Variants in COL4A3 observed in about 807,000 individuals in gnomAD.
The protein encoded by COL4A3 is collagen type IV alpha 3 chain, also known as collagen alpha-3(IV) chain.
In COL4A3, 135 loss-of-function variants were observed where a neutral mutation model predicts 217.4. That is an observed-to-expected ratio of 0.62 (90% CI 0.54 to 0.72). The LOEUF (loss-of-function observed/expected upper bound fraction) is 0.72. Ranked by LOEUF, COL4A3 falls within the 30% of genes least tolerant of loss-of-function variation. The probability of loss-of-function intolerance (pLI) is 0.00; values close to 1 mark genes in which losing one functional copy is unlikely to be tolerated. For missense variants in COL4A3, 1,868 were observed against 2,119.9 expected, an observed-to-expected ratio of 0.88 and a Z score of 2.33; for synonymous variants, 690 against 736.3, an observed-to-expected ratio of 0.94 and a Z score of 1.02.
At chr2:227,172,374 G>C (rs1468169632) in intron 1 of COL4A3, among the ~76,000 whole-genome samples, 2 of 152,072 alleles carry the variant, frequency 1.3e-5, no homozygotes, top group African/African-American at 2.4e-5. Flanking sequence ...AAATGTCTGG[G>C]TGCTGGTAAG....
At chr2:227,219,697 A>T (rs1428425552) in intron 1 of COL4A3, among the ~76,000 whole-genome samples, 1 of 151,710 alleles carries the variant, frequency 6.6e-6, no homozygotes, top group African/African-American at 2.4e-5. Flanking sequence ...GCTGTGAAGC[A>T]CTCTTGTATC....
chr2:227,213,879 G>A (rs566194556), intron 1 of COL4A3, among the ~76,000 whole-genome samples: 29 of 138,652 alleles, frequency 2.1e-4, no homozygotes, highest in Admixed American at 1.4e-3. Flanking sequence ...ACAAGCCCGG[G>A]CGACAGAGCA....
intron 20 of COL4A3, among the ~76,000 whole-genome samples, chr2:227,261,789 ACATAT>A (rs2070586759): frequency 6.6e-6 from 1 of 152,206 alleles, no homozygotes; most frequent in Admixed American, 6.5e-5. Flanking sequence ...AGTTTTCATA[ACATAT>A]CATGAGTTGC....
chr2:227,182,512 T>C (rs1462138589), intron 1 of COL4A3, among the ~76,000 whole-genome samples: 1 of 152,248 alleles, frequency 6.6e-6, no homozygotes, highest in African/African-American at 2.4e-5. Flanking sequence ...GGGATATTTG[T>C]GAATAAAATC....
At chr2:227,276,732 A>C (rs1044925434) in intron 27 of COL4A3, among the ~76,000 whole-genome samples, 1 of 152,254 alleles carries the variant, frequency 6.6e-6, no homozygotes, top group Non-Finnish European at 1.5e-5. Context: ...ACTTAAGAGG[A>C]ATTTTAGAGC....
intron 1 of COL4A3, among the ~76,000 whole-genome samples, chr2:227,165,167 C>T (rs1299861294): frequency 6.6e-6 from 1 of 151,986 alleles, no homozygotes; most frequent in African/African-American, 2.4e-5. Context: ...TGGAGATGCA[C>T]GGTGTCACGC....
In COL4A3 at chr2:227,272,114, C is replaced by T. The variant is rs143742831; in HGVS notation, c.1759-835C>T. Reference sequence around the variant, plus strand: ...GGTGCCAGCAGTTCTCAGACCCTGCCTTGGCCAAGTCCCAGGTTGTTCACT... The same window carrying T: ...GGTGCCAGCAGTTCTCAGACCCTGCTTTGGCCAAGTCCCAGGTTGTTCACT... On this transcript the variant is annotated intron_variant, in intron 25 of 51. Transcript: ENST00000396578. 5.5e-3 allele frequency among the ~76,000 whole-genome samples: 832 copies of T among 152,314 alleles called. 3 individuals are homozygous for T. The highest frequency in any genetic ancestry group is 7.7e-3 in the Non-Finnish European group (525 of 68,030).
intron 1 of COL4A3, among the ~76,000 whole-genome samples, chr2:227,202,860 TACATATATGTGTATATATAC>T (rs2066777531): frequency 1.6e-4 from 4 of 24,854 alleles, no homozygotes; most frequent in African/African-American, 2.4e-4. Flanking sequence ...TGTGTATATA[TACATATATGTGTATATATAC>T]ATATGTGTAT....
intron 46 of COL4A3, 176 bp downstream of exon 46, chr2:227,304,320 T>C (rs1041085694): frequency 3.2e-5 from 23 of 718,524 alleles, no homozygotes; most frequent in Non-Finnish European, 4.6e-5. Context: ...ATAAAAGACC[T>C]TGGAATCTAT....
Position 227,295,013 on chromosome 2 carries a change from C to T in COL4A3, c.3468C>T (p.Asp1156=). The T allele has an allele frequency of 6.2e-7, 1 of 1,612,664 alleles. No homozygotes were observed. Among genetic ancestry groups the T allele is most frequent in the Non-Finnish European group, 8.5e-7 (1 of 1,179,718 alleles). ...CTGGACCAATGGGTATAAGAGGTGACCAAGGACGTGATGGAATTCCTGGTC... is the reference window on the plus strand; with the variant it reads ...CTGGACCAATGGGTATAAGAGGTGATCAAGGACGTGATGGAATTCCTGGTC... ...GSPGPMGIRG[D]QGRDGIPGPA... is the part of the protein sequence containing the mutation. Residue 1156 remains aspartate (D), a synonymous_variant, in exon 40 of 52, where the codon GAC becomes GAT. Transcript: ENST00000396578.
Position 227,191,304 on chromosome 2 carries a change from G to A in COL4A3, c.87+26491G>A, listed in dbSNP as rs1041702348. Among the ~76,000 whole-genome samples the A allele has an allele frequency of 9.9e-5, 15 of 151,878 alleles. No homozygotes were observed. The highest frequency in any genetic ancestry group is 2.9e-4 in the African/African-American group (12 of 41,442). ...AATGGATTTTTTTTTTGTAAAGGAC[G>A]CAAAAGTTTAAGACTGTTGGCATAT... On this transcript the variant is annotated intron_variant, in intron 1 of 51. Transcript: ENST00000396578. This position sits in a 1 kb window ranked among gnomAD's most constrained non-coding sequence, Gnocchi z 6.8.
intron 1 of COL4A3, among the ~76,000 whole-genome samples, chr2:227,235,394 G>C (rs999623022): frequency 1.2e-4 from 18 of 152,262 alleles, no homozygotes; most frequent in Admixed American, 4.6e-4. Context: ...CTAGAAATAA[G>C]AAATATGCAA....
At chr2:227,273,160 G>A in intron 26 of COL4A3, 43 bp downstream of exon 26, 1 of 1,605,530 alleles carries the variant, frequency 6.2e-7, no homozygotes, top group Non-Finnish European at 8.5e-7. Flanking sequence ...GATGGAGTGG[G>A]TTGATGGTTT....
At chr2:227,248,576 C>T in intron 9 of COL4A3, 56 bp downstream of exon 9, 1 of 1,107,208 alleles carries the variant, frequency 9.0e-7, no homozygotes, top group Non-Finnish European at 1.4e-6. Context: ...CTCTCTCTCT[C>T]TTTTCGCCTC....
chr2:227,236,182 T>A (rs2068686958), intron 1 of COL4A3, among the ~76,000 whole-genome samples: 1 of 152,244 alleles, frequency 6.6e-6, no homozygotes, highest in African/African-American at 2.4e-5. Context: ...ATTTTTGCAA[T>A]TGCGAATAGT....
rs1275709610 is a variant in COL4A3 at position 227,305,113 on chromosome 2, G to A, written c.4252+30G>A. ...ACCCCCAGCTTGTTTCCTCACCGAA[G>A]AAGTGCTATTTCGACATACAGAGAA... On this transcript the variant is annotated intron_variant, in intron 47 of 51. Transcript: ENST00000396578. The A allele has an allele frequency of 4.4e-6, 7 of 1,592,454 alleles. No homozygotes were observed. In the Admixed American group the frequency reaches 1.2e-4, roughly 27 times the overall value.
intron 20 of COL4A3, among the ~76,000 whole-genome samples, chr2:227,262,494 C>T (rs1414517226): frequency 2.0e-5 from 3 of 152,144 alleles, no homozygotes; most frequent in Non-Finnish European, 4.4e-5. Flanking sequence ...GTCATTTTAA[C>T]TAGATTAGTT....
intron 1 of COL4A3, among the ~76,000 whole-genome samples, chr2:227,179,580 A>G (rs1185642645): frequency 6.6e-6 from 1 of 152,232 alleles, no homozygotes; most frequent in East Asian, 1.9e-4. Flanking sequence ...TAAAAAGTCA[A>G]TAAAGAATTA....
intron 5 of COL4A3, among the ~76,000 whole-genome samples, chr2:227,245,468 T>C (rs1385270227): frequency 6.6e-6 from 1 of 152,182 alleles, no homozygotes; most frequent in African/African-American, 2.4e-5. Context: ...TACCATTCTA[T>C]ATAAGAGACT....
Sources: gnomAD v4.1 joint callset for allele counts (sites outside exome capture counted in the v4.1 genomes callset) on GRCh38, gnomAD v4.1.1 for gene constraint, Gnocchi (gnomAD v3.1) non-coding constraint, MANE v1.5 for transcripts, NCBI Gene and HGNC (gene_info 2026-07-23, HGNC 2026-07-21) for gene names.